The following TBC1D30 variants were observed in gnomAD, a reference collection of about 807,000 sequenced individuals.
TBC1D30 encodes the protein TBC1 domain family, member 30.
TBC1D30 carries 31 observed loss-of-function variants against 63.2 expected under a neutral mutation model. The observed-to-expected ratio is 0.49, with a 90% CI of 0.37 to 0.66. TBC1D30 has a LOEUF of 0.66. Among genes scored for constraint, TBC1D30 ranks in the 30% least tolerant of loss-of-function variants. The pLI, the probability that TBC1D30 is intolerant of heterozygous loss-of-function variation, is 0.00. For missense variants in TBC1D30, 810 were observed against 953.6 expected (o/e 0.85, Z 1.98); for synonymous variants, 307 against 361.5 (o/e 0.85, Z 1.71).
intron 1 of TBC1D30, among the ~76,000 whole-genome samples, chr12:64,783,360 T>C (rs1871387909): frequency 1.3e-5 from 2 of 152,318 alleles, no homozygotes; most frequent in Admixed American, 1.3e-4. Flanking sequence ...CACTTTCTTA[T>C]AAATAGGGAT....
intron 8 of TBC1D30, among the ~76,000 whole-genome samples, chr12:64,849,457 G>A (rs1592634375): frequency 6.6e-6 from 1 of 152,162 alleles, no homozygotes; most frequent in African/African-American, 2.4e-5. Flanking sequence ...TTTGTAGAAG[G>A]TGTAAGGAAG....
At chr12:64,762,684 A>T (rs756065943) in intron 1 of TBC1D30, among the ~76,000 whole-genome samples, 1 of 152,350 alleles carries the variant, frequency 6.6e-6, no homozygotes, top group Non-Finnish European at 1.5e-5. Flanking sequence ...ACTGCCAGGC[A>T]TACTTCTTCA....
chr12:64,794,952 C>A (rs1555167461), intron 2 of TBC1D30, among the ~76,000 whole-genome samples: 1 of 152,058 alleles, frequency 6.6e-6, no homozygotes, highest in Non-Finnish European at 1.5e-5. Flanking sequence ...CTAAAACAGA[C>A]AAAAGAAAAC....
At chr12:64,788,767 A>C (rs893671369) in intron 2 of TBC1D30, among the ~76,000 whole-genome samples, 1 of 152,154 alleles carries the variant, frequency 6.6e-6, no homozygotes, top group Non-Finnish European at 1.5e-5. Context: ...TGAGAGTTCA[A>C]TTCTCTCTTT....
intron 2 of TBC1D30, among the ~76,000 whole-genome samples, chr12:64,815,969 C>T (rs886222455): frequency 2.6e-5 from 4 of 151,330 alleles, no homozygotes; most frequent in African/African-American, 9.7e-5. Flanking sequence ...GTAGAGACAG[C>T]GTTTTGTCAT....
At chr12:64,840,085 C>T (rs143490776) in intron 7 of TBC1D30, among the ~76,000 whole-genome samples, 119 of 149,508 alleles carry the variant, frequency 8.0e-4, no homozygotes, top group African/African-American at 2.8e-3. Context: ...TATTTTTAAA[C>T]ATCACCTAGC....
rs1186875950 is a variant in TBC1D30 at position 64,878,438 on chromosome 12, C to A, written c.*2650C>A. On this transcript the variant is annotated 3_prime_UTR_variant, in exon 12 of 12. Coordinates refer to ENST00000539867, the MANE Select transcript of TBC1D30 (RefSeq NM_015279.2). Reference sequence around the variant, plus strand: ...GTCTGTAGCCTCTTAGCCCTTTTGCCGGGAATCAACTCATTCTGATGCCTC... The same window carrying A: ...GTCTGTAGCCTCTTAGCCCTTTTGCAGGGAATCAACTCATTCTGATGCCTC... The A allele has an allele frequency of 2.2e-6, 1 of 456,598 alleles. No homozygotes were observed. The highest frequency in any genetic ancestry group is 4.4e-6 in the Non-Finnish European group (1 of 226,940). 28.3% of individuals were successfully genotyped at this position (456,598 alleles called of 1,614,324 possible). A position where few individuals can be genotyped will look rare whatever the true frequency, so the allele number is the denominator to read the frequency against.
At chr12:64,795,259 G>A (rs1048262829) in intron 2 of TBC1D30, among the ~76,000 whole-genome samples, 1 of 152,284 alleles carries the variant, frequency 6.6e-6, no homozygotes, top group East Asian at 1.9e-4. Context: ...CTGCTCGAAG[G>A]GTGAAGGTCT....
At chr12:64,859,120 C>G (rs951745152) in intron 8 of TBC1D30, among the ~76,000 whole-genome samples, 1 of 150,700 alleles carries the variant, frequency 6.6e-6, no homozygotes, top group Non-Finnish European at 1.5e-5. Flanking sequence ...CACATATATG[C>G]GAGGGTGTTG....
intron 8 of TBC1D30, among the ~76,000 whole-genome samples, chr12:64,854,785 GCGC>G (rs1877165044): frequency 6.6e-6 from 1 of 152,136 alleles, no homozygotes; most frequent in Non-Finnish European, 1.5e-5. Flanking sequence ...GTGAGCCACC[GCGC>G]CTGGCCATCA....
intron 11 of TBC1D30, among the ~76,000 whole-genome samples, chr12:64,872,122 A>C (rs1000400014): frequency 1.3e-5 from 2 of 152,136 alleles, no homozygotes; most frequent in Non-Finnish European, 2.9e-5. Flanking sequence ...CCACTTCCCA[A>C]GTTCAAGCAA....
chr12:64,760,798 A>C (rs1870478367), intron 1 of TBC1D30, among the ~76,000 whole-genome samples: 1 of 151,744 alleles, frequency 6.6e-6, no homozygotes, highest in African/African-American at 2.4e-5. Context: ...AAACACGTTG[A>C]AACCTGATGT....
exon 1 of TBC1D30, chr12:64,780,754 C>T: frequency 1.0e-6 from 1 of 987,980 alleles, no homozygotes. Context: ...CGGAACTGGC[C>T]GGCGCCGCGA....
intron 2 of TBC1D30, among the ~76,000 whole-genome samples, chr12:64,819,403 C>A (rs1269987800): frequency 1.5e-5 from 2 of 136,146 alleles, no homozygotes; most frequent in South Asian, 2.5e-4. Context: ...ATTGAAGGAA[C>A]TACTTTTTTT....
At chr12:64,771,639 A>G (rs1441221297) in intron 1 of TBC1D30, among the ~76,000 whole-genome samples, 9 of 152,140 alleles carry the variant, frequency 5.9e-5, no homozygotes, top group African/African-American at 1.7e-4. Context: ...GAGGAGGAAA[A>G]AGCCCCAACT....
At chr12:64,780,945 G>C (rs931557970) in exon 1 of TBC1D30, 8 of 1,057,280 alleles carry the variant, frequency 7.6e-6, no homozygotes, top group Non-Finnish European at 9.2e-6. Context: ...CCGCGCCTCC[G>C]GGGAGCGGCG....
intron 2 of TBC1D30, chr12:64,818,379 T>TA: frequency 1.0e-6 from 1 of 980,696 alleles, no homozygotes; most frequent in Non-Finnish European, 1.2e-6. Flanking sequence ...CATAGTATTT[T>TA]AAAGGACCTT....
chr12:64,819,565 C>T (rs563180528), intron 2 of TBC1D30, among the ~76,000 whole-genome samples: 24 of 151,722 alleles, frequency 1.6e-4, no homozygotes, highest in African/African-American at 2.7e-4. Context: ...TACAGGTGTG[C>T]GCCACCACAC....
At position 64,877,599 on chromosome 12, in the gene TBC1D30, C is replaced by T. The variant is rs1233716000; in HGVS notation, c.*1811C>T. The T allele has an allele frequency of 6.6e-6, 1 of 152,172 alleles. No individual in the cohort carries two copies. The highest frequency in any genetic ancestry group is 2.4e-5 in the African/African-American group (1 of 41,426). The allele number at this position is 152,172 out of a possible 1,614,324, so 9.4% of individuals were successfully genotyped here. On this transcript the variant is annotated 3_prime_UTR_variant, in exon 12 of 12. Coordinates refer to ENST00000539867, the MANE Select transcript of TBC1D30 (RefSeq NM_015279.2). ...TTCTGTGCCATCTGAAGTTAGCATC[C>T]AGCTTCTTAAAAAGCAGCCACGCCT...
Sources: gnomAD v4.1 joint callset for allele counts (sites outside exome capture counted in the v4.1 genomes callset) on GRCh38, gnomAD v4.1.1 for gene constraint, MANE v1.5 for transcripts, NCBI Gene and HGNC (gene_info 2026-07-23, HGNC 2026-07-21) for gene names.